The following BMP2K variants were observed in gnomAD, a reference collection of about 807,000 sequenced individuals.
BMP2K encodes BMP2 inducible kinase, also known as BMP-2-inducible protein kinase.
BMP2K carries 74 observed loss-of-function variants against 116.0 expected under a neutral mutation model. The ratio of observed to expected loss-of-function variants is 0.64; its 90% CI spans 0.53 to 0.77. The LOEUF is 0.77. BMP2K is among the 30% of genes least tolerant of loss of function. The pLI is 0.00. For missense variants in BMP2K, 1,365 were observed against 1,403.6 expected (o/e 0.97, Z 0.44); for synonymous variants, 486 against 502.5 (o/e 0.97, Z 0.44).
rs1734666504 is a variant in BMP2K, at chr4:78,912,124, A to G, written c.*91A>G. ...GAAAGAAAATTTGGTAGCTCTTTATAGCATTCATTCTTAAAGATCAGTCAG... is the reference window on the plus strand; with the variant it reads ...GAAAGAAAATTTGGTAGCTCTTTATGGCATTCATTCTTAAAGATCAGTCAG... On this transcript the variant is annotated 3_prime_UTR_variant, in exon 16 of 16. Coordinates refer to ENST00000502613, the MANE Select transcript of BMP2K (RefSeq NM_198892.2). 6.1e-6 allele frequency: 7 copies of G among 1,150,502 alleles called. No homozygotes were observed. In the East Asian group the frequency reaches 7.1e-5, roughly 12 times the overall value. 71.3% of individuals were successfully genotyped at this position (1,150,502 alleles called of 1,614,324 possible).
chr4:78,818,296 G>A (rs963172769), intron 1 of BMP2K, among the ~76,000 whole-genome samples: 1 of 152,120 alleles, frequency 6.6e-6, no homozygotes, highest in African/African-American at 2.4e-5. Flanking sequence ...GGATTGCTGG[G>A]TCAAATGGTA....
chr4:78,787,876 A>G (rs1727802846), intron 1 of BMP2K, among the ~76,000 whole-genome samples: 1 of 151,990 alleles, frequency 6.6e-6, no homozygotes, highest in South Asian at 2.1e-4. Context: ...CCAGTACACT[A>G]TTTCCCCTTG....
intron 15 of BMP2K, among the ~76,000 whole-genome samples, chr4:78,903,091 C>T (rs1734097466): frequency 1.3e-5 from 2 of 151,510 alleles, no homozygotes; most frequent in African/African-American, 2.4e-5. Context: ...ATTTTCCCAC[C>T]AAGGTATTGT....
Position 78,833,615 on chromosome 4 carries a change from T to C in BMP2K, c.331T>C (p.Tyr111His). Residue 111 changes from tyrosine (Y) to histidine (H), a missense_variant, in exon 3 of 16, where the codon TAT becomes CAT. By Grantham distance (83) the Tyr-to-His change is moderately conservative (BLOSUM62 2). Around this residue, in one of 3 missense-constraint regions of BMP2K, gnomAD observed 762 missense variants for 756.7 expected, o/e 1.01. Coordinates refer to ENST00000502613, the MANE Select transcript of BMP2K (RefSeq NM_198892.2). The part of the protein sequence containing the change: ...ELSGHKNIVG[Y>H]LDCAVNSISD... ...ATCTGGTCACAAAAATATTGTGGGC[T>C]ATTTGGACTGTGCTGTTAATTCAAT... 1 of 1,603,544 alleles carries C rather than the reference T, an allele frequency of 6.2e-7. No individual in the cohort carries two copies. The highest frequency in any genetic ancestry group is 1.3e-5 in the African/African-American group (1 of 74,446).
chr4:78,914,029 CAT>C lies in BMP2K; in HGVS notation c.*1998_*1999del, dbSNP rs1560563912. On this transcript the variant is annotated 3_prime_UTR_variant, in exon 16 of 16. Coordinates refer to ENST00000502613, the MANE Select transcript of BMP2K (RefSeq NM_198892.2). ...TAAAAGTGAAGAGTTGATGATTACA[CAT>C]AGTAAATTCATGAACTACAGTAGGT... 1.3e-5 allele frequency: 2 copies of C among 151,678 alleles called. No individual in the cohort carries two copies. The highest frequency in any genetic ancestry group is 2.9e-5 in the Non-Finnish European group (2 of 67,932). The allele number at this position is 151,678 out of a possible 1,614,324, so 9.4% of individuals were successfully genotyped here.
At chr4:78,840,806 A>T (rs1730722593) in intron 3 of BMP2K, among the ~76,000 whole-genome samples, 1 of 152,192 alleles carries the variant, frequency 6.6e-6, no homozygotes, top group Admixed American at 6.5e-5. Context: ...AAAGGGAATT[A>T]AAGTTTGTTT....
intron 15 of BMP2K, among the ~76,000 whole-genome samples, chr4:78,904,243 C>G (rs1427091580): frequency 6.6e-6 from 1 of 151,800 alleles, no homozygotes; most frequent in Non-Finnish European, 1.5e-5. Flanking sequence ...GAAAAAAGTT[C>G]TAAGAAAGAT....
At chr4:78,903,339 T>TA in intron 15 of BMP2K, among the ~76,000 whole-genome samples, 1 of 152,158 alleles carries the variant, frequency 6.6e-6, no homozygotes, top group Non-Finnish European at 1.5e-5. Flanking sequence ...TCTGAATGCA[T>TA]AAATGTACAT....
At chr4:78,897,573 T>A (rs962069999) in intron 15 of BMP2K, among the ~76,000 whole-genome samples, 7 of 152,228 alleles carry the variant, frequency 4.6e-5, no homozygotes, top group Non-Finnish European at 1.0e-4. Flanking sequence ...TCCTTGTAGA[T>A]CTAATATTTA....
At chr4:78,901,842 T>C (rs879690787) in intron 15 of BMP2K, among the ~76,000 whole-genome samples, 6 of 152,138 alleles carry the variant, frequency 3.9e-5, no homozygotes, top group Admixed American at 3.9e-4. Context: ...GTCACTGAAG[T>C]TTTAGATTTC....
At chr4:78,782,393 C>T (rs1039134997) in intron 1 of BMP2K, among the ~76,000 whole-genome samples, 5 of 152,208 alleles carry the variant, frequency 3.3e-5, no homozygotes, top group African/African-American at 9.6e-5. Context: ...TGTTGTATCA[C>T]ACAAGTTGGC....
Position 78,825,028 on chromosome 4 carries a change from CCTCGT to C in BMP2K, c.179-1005_179-1001del, listed in dbSNP as rs1729801874. 2.0e-5 allele frequency among the ~76,000 whole-genome samples: 3 copies of C among 152,210 alleles called. No individual in the cohort carries two copies. In the South Asian group the frequency reaches 6.2e-4, roughly 32 times the overall value. On this transcript the variant is annotated intron_variant, in intron 1 of 15. Coordinates refer to ENST00000502613, the MANE Select transcript of BMP2K (RefSeq NM_198892.2). ...CAGCAGCCTGGCCAACATAGTGAAG[CCTCGT>C]CTCTACTGAAAATACAAAAAATTAG...
intron 7 of BMP2K, among the ~76,000 whole-genome samples, chr4:78,855,165 G>A (rs1291143959): frequency 1.3e-5 from 2 of 152,066 alleles, no homozygotes; most frequent in Non-Finnish European, 2.9e-5. Flanking sequence ...TTTCATTTCA[G>A]CACCCATATA....
chr4:78,823,147 A>T (rs1265550794), intron 1 of BMP2K, among the ~76,000 whole-genome samples: 4 of 152,156 alleles, frequency 2.6e-5, no homozygotes, highest in Admixed American at 2.6e-4. Flanking sequence ...AAAACTTAAC[A>T]TTTGATAAGA....
chr4:78,901,336 C>T (rs1214193691), intron 15 of BMP2K, among the ~76,000 whole-genome samples: 1 of 151,982 alleles, frequency 6.6e-6, no homozygotes, highest in Non-Finnish European at 1.5e-5. Flanking sequence ...GCTGGGATTA[C>T]AGGCAAGAGC....
At chr4:78,907,222 A>G (rs1734330984) in intron 15 of BMP2K, among the ~76,000 whole-genome samples, 1 of 152,342 alleles carries the variant, frequency 6.6e-6, no homozygotes, top group African/African-American at 2.4e-5. Flanking sequence ...CCACAGATTT[A>G]TACCCACACT....
Position 78,776,378 on chromosome 4 carries a change from C to T in BMP2K, c.-166C>T, listed in dbSNP as rs1016316758. 32 of 620,672 alleles carry T rather than the reference C, an allele frequency of 5.2e-5. No individual in the cohort carries two copies. The African/African-American group carries it at 5.4e-4, about 10-fold the overall frequency. The allele number at this position is 620,672 out of a possible 1,614,324, so 38.4% of individuals were successfully genotyped here. A position where few individuals can be genotyped will look rare whatever the true frequency, so the allele number is the denominator to read the frequency against. ...TGCAGCGGAGCCGCGGAGCGGGCGG[C>T]GGGGCCCAGGCTGTGCGCTTGGGGA... On this transcript the variant is annotated 5_prime_UTR_variant, in exon 1 of 16. Transcript: ENST00000502613.
chr4:78,898,497 T>A (rs62307968), intron 15 of BMP2K, among the ~76,000 whole-genome samples: 10,376 of 150,844 alleles, frequency 0.069, 490 homozygotes, highest in East Asian at 0.22. Flanking sequence ...GTGGAGGTAA[T>A]AGGTAGAAAT....
chr4:78,903,918 T>C (rs893343266), intron 15 of BMP2K, among the ~76,000 whole-genome samples: 1 of 151,810 alleles, frequency 6.6e-6, no homozygotes, highest in African/African-American at 2.4e-5. Context: ...CAGATGAGAG[T>C]TTTAAGCCAG....
Sources: gnomAD v4.1 joint callset for allele counts (sites outside exome capture counted in the v4.1 genomes callset) on GRCh38, gnomAD v4.1.1 for gene constraint, gnomAD v4.1.1 regional missense constraint, MANE v1.5 for transcripts, NCBI Gene and HGNC (gene_info 2026-07-23, HGNC 2026-07-21) for gene names.